The following LINGO2 variants were observed in gnomAD, a reference collection of about 807,000 sequenced individuals.
The protein encoded by LINGO2 is leucine rich repeat and Ig domain containing 2.
Under a neutral mutation model 30.6 loss-of-function variants are expected in LINGO2, and 14 were observed. The ratio of observed to expected loss-of-function variants is 0.46; its 90% confidence interval spans 0.30 to 0.72. The LOEUF is 0.72. Ranked by LOEUF, LINGO2 falls within the 30% of genes least tolerant of loss-of-function variation. The pLI, the probability that LINGO2 is intolerant of heterozygous loss-of-function variation, is 0.07. For missense variants in LINGO2, 729 were observed against 751.7 expected (o/e 0.97, Z 0.35); for synonymous variants, 317 against 288.5 (o/e 1.10, Z -1.00).
At chr9:28,098,620 T>C (rs902814238) in intron 4 of LINGO2, among the ~76,000 whole-genome samples, 2 of 152,192 alleles carry the variant, frequency 1.3e-5, no homozygotes, top group African/African-American at 4.8e-5. Flanking sequence ...CTGATATTTT[T>C]ATGTGTGGAT....
the LINGO2 span, among the ~76,000 whole-genome samples, chr9:28,927,521 G>A: frequency 1.3e-5 from 2 of 152,148 alleles, no homozygotes; most frequent in Non-Finnish European, 2.9e-5. Flanking sequence ...TAGTATACTG[G>A]AGAGATTTTG....
the LINGO2 span, among the ~76,000 whole-genome samples, chr9:28,975,778 A>G: frequency 6.6e-6 from 1 of 152,198 alleles, no homozygotes; most frequent in Non-Finnish European, 1.5e-5. Context: ...CAAATTGATA[A>G]TCTAAAGATA....
intron 1 of LINGO2, among the ~76,000 whole-genome samples, chr9:28,599,535 C>T (rs972351789): frequency 6.6e-6 from 1 of 151,596 alleles, no homozygotes; most frequent in African/African-American, 2.4e-5. Context: ...TGAGGAACAG[C>T]TTTTTTTTAA....
chr9:29,131,384 A>G, the LINGO2 span, among the ~76,000 whole-genome samples: 1 of 152,130 alleles, frequency 6.6e-6, no homozygotes, highest in East Asian at 1.9e-4. Flanking sequence ...CTTTAAATTT[A>G]ACACAAAGAC....
chr9:28,744,611 T>TGTGTGTGTGTGTGTGTGTGTGTGTGTGA, the LINGO2 span, among the ~76,000 whole-genome samples: 20 of 134,008 alleles, frequency 1.5e-4, no homozygotes, highest in African/African-American at 5.5e-4. Context: ...ATTCCCCTCG[T>TGTGTGTGTGTGTGTGTGTGTGTGTGTGA]GTGTGTGTGT....
chr9:28,510,566 G>A (rs906893339), intron 1 of LINGO2, among the ~76,000 whole-genome samples: 30 of 151,994 alleles, frequency 2.0e-4, no homozygotes, highest in Non-Finnish European at 2.8e-4. Context: ...AGGAGGTGGA[G>A]GAGGTGGAAG....
chr9:28,619,002 G>A (rs976459248), intron 1 of LINGO2, among the ~76,000 whole-genome samples: 3 of 152,112 alleles, frequency 2.0e-5, no homozygotes, highest in Non-Finnish European at 1.5e-5. Flanking sequence ...ATAAGACTTC[G>A]TAAATGATTG....
chr9:28,248,354 A>G (rs868086587), intron 4 of LINGO2, among the ~76,000 whole-genome samples: 36 of 152,310 alleles, frequency 2.4e-4, no homozygotes, highest in Middle Eastern at 3.4e-3. Context: ...TAAGCCAGAC[A>G]CAGAAAGAGA....
the LINGO2 span, among the ~76,000 whole-genome samples, chr9:29,144,370 A>G: frequency 2.0e-5 from 3 of 152,268 alleles, no homozygotes; most frequent in East Asian, 5.8e-4. Flanking sequence ...GATTTTCACA[A>G]TATTGATTCT....
At chr9:29,063,334 A>G in the LINGO2 span, among the ~76,000 whole-genome samples, 1 of 152,062 alleles carries the variant, frequency 6.6e-6, no homozygotes, top group Admixed American at 6.6e-5. Context: ...ATCCATTATT[A>G]GTGCTTTAAA....
the LINGO2 span, among the ~76,000 whole-genome samples, chr9:28,766,611 A>G: frequency 5.5e-3 from 835 of 152,158 alleles, 13 homozygotes; most frequent in African/African-American, 0.02. Context: ...CATCTCATAG[A>G]TATCTCTGTT....
At chr9:28,636,171 T>C (rs1040777038) in intron 1 of LINGO2, among the ~76,000 whole-genome samples, 1 of 152,218 alleles carries the variant, frequency 6.6e-6, no homozygotes, top group Non-Finnish European at 1.5e-5. Flanking sequence ...TTTTTATGGC[T>C]GCGTAGTATC....
the LINGO2 span, among the ~76,000 whole-genome samples, chr9:29,069,036 T>C: frequency 6.6e-6 from 1 of 151,632 alleles, no homozygotes; most frequent in Non-Finnish European, 1.5e-5. Flanking sequence ...AGTTGTTGAG[T>C]AGACATTCTA....
At chr9:28,701,801 T>C in the LINGO2 span, among the ~76,000 whole-genome samples, 2 of 152,138 alleles carry the variant, frequency 1.3e-5, no homozygotes, top group East Asian at 3.9e-4. Flanking sequence ...TGGTACTTCT[T>C]TGATTTCTTT....
chr9:29,089,436 G>C, the LINGO2 span, among the ~76,000 whole-genome samples: 2 of 151,954 alleles, frequency 1.3e-5, no homozygotes, highest in African/African-American at 4.8e-5. Flanking sequence ...GCTGCTTCAA[G>C]ATCTTCTCAT....
chr9:28,207,821 T>C (rs1439256035), intron 4 of LINGO2, among the ~76,000 whole-genome samples: 1 of 152,072 alleles, frequency 6.6e-6, no homozygotes, highest in African/African-American at 2.4e-5. Flanking sequence ...ATTCCAAAAA[T>C]AGACTTGCAG....
intron 2 of LINGO2, among the ~76,000 whole-genome samples, chr9:28,441,250 G>GC (rs1824181627): frequency 2.0e-5 from 1 of 50,636 alleles, no homozygotes; most frequent in African/African-American, 7.9e-5. Flanking sequence ...TTCATTGGAG[G>GC]CTTTTTTTTT....
chr9:28,623,534 A>G (rs910296964), intron 1 of LINGO2, among the ~76,000 whole-genome samples: 1 of 151,780 alleles, frequency 6.6e-6, no homozygotes, highest in African/African-American at 2.4e-5. Context: ...GGGGTTCTCT[A>G]TTCTGTTCTA....
At chr9:28,195,442 T>C (rs1353985163) in intron 4 of LINGO2, among the ~76,000 whole-genome samples, 1 of 143,324 alleles carries the variant, frequency 7.0e-6, no homozygotes, top group Non-Finnish European at 1.6e-5. Flanking sequence ...GGAATGATAA[T>C]AAAAAATAGA....
Sources: gnomAD v4.1 joint callset for allele counts (sites outside exome capture counted in the v4.1 genomes callset) on GRCh38, gnomAD v4.1.1 for gene constraint, MANE v1.5 for transcripts, NCBI Gene and HGNC (gene_info 2026-07-23, HGNC 2026-07-21) for gene names.